Variants in USP3 observed in about 807,000 individuals in gnomAD.
USP3 encodes ubiquitin specific peptidase 3, also known as ubiquitin carboxyl-terminal hydrolase 3.
A neutral mutation model predicts 72.3 loss-of-function variants in USP3; 20 were observed. The ratio of observed to expected loss-of-function variants is 0.28; its 90% CI spans 0.19 to 0.40. The LOEUF (loss-of-function observed/expected upper bound fraction) is 0.40, where lower values mean the gene tolerates loss of function less well. Ranked by LOEUF, USP3 falls within the 10% of genes least tolerant of loss-of-function variation. USP3 has a pLI of 1.00. For synonymous variants in USP3, 222 were observed against 225.3 expected, an observed-to-expected ratio of 0.99 and a Z score of 0.13; for missense variants, 479 against 633.9, an observed-to-expected ratio of 0.76 and a Z score of 2.62.
intron 11 of USP3, among the ~76,000 whole-genome samples, chr15:63,584,981 C>G (rs2067031633): frequency 6.6e-6 from 1 of 152,056 alleles, no homozygotes; most frequent in African/African-American, 2.4e-5. Flanking sequence ...ACCTAGTTTC[C>G]CCAGCACCAT....
intron 8 of USP3, among the ~76,000 whole-genome samples, chr15:63,564,195 T>G (rs2066650970): frequency 6.6e-6 from 1 of 152,220 alleles, no homozygotes; most frequent in Non-Finnish European, 1.5e-5. Flanking sequence ...GAATGCCTAC[T>G]GTGTGCCACC....
chr15:63,523,342 TCTGGAACGAA>T (rs900973249), intron 1 of USP3, among the ~76,000 whole-genome samples: 40 of 152,148 alleles, frequency 2.6e-4, no homozygotes, highest in African/African-American at 9.4e-4. Flanking sequence ...GGAGGCAGGC[TCTGGAACGAA>T]CTTAGCGTAA....
chr15:63,568,785 G>T (rs1337957566), intron 8 of USP3, among the ~76,000 whole-genome samples: 1 of 152,028 alleles, frequency 6.6e-6, no homozygotes, highest in Non-Finnish European at 1.5e-5. Flanking sequence ...GAGCAGCAGG[G>T]AGTGTTCCCT....
In USP3 at chr15:63,570,985, A is replaced by T. The variant is rs1032694836; in HGVS notation, c.908+406A>T. Among the ~76,000 whole-genome samples the T allele has an allele frequency of 6.6e-6, 1 of 152,224 alleles. No individual in the cohort carries two copies. The highest frequency in any genetic ancestry group is 2.4e-5 in the African/African-American group (1 of 41,464). On this transcript the variant is annotated intron_variant, in intron 9 of 14. Coordinates refer to ENST00000380324, the MANE Select transcript of USP3 (RefSeq NM_006537.4). The surrounding 1 kb of genome is among the most constrained non-coding windows in gnomAD (Gnocchi z 4.4). ...TGAATGTGAACTTTCCTAAAGCTTC[A>T]TTATGGACTTGAACTTTCCTAAAGT...
chr15:63,519,754 G>A (rs2152652235), intron 1 of USP3, among the ~76,000 whole-genome samples: 1 of 152,242 alleles, frequency 6.6e-6, no homozygotes, highest in Non-Finnish European at 1.5e-5. Flanking sequence ...GCAAGGTGAT[G>A]ATTTTCTGAC....
intron 1 of USP3, among the ~76,000 whole-genome samples, chr15:63,515,284 C>G (rs887627221): frequency 1.3e-5 from 2 of 152,220 alleles, no homozygotes; most frequent in African/African-American, 4.8e-5. Flanking sequence ...GGAACCATAA[C>G]AAATTTGTTT....
At chr15:63,504,924 C>T in intron 1 of USP3, 94 bp downstream of exon 1, 1 of 1,041,178 alleles carries the variant, frequency 9.6e-7, no homozygotes, top group Non-Finnish European at 1.2e-6. Context: ...GGCGCGCGGA[C>T]TCGGGGAGGG....
chr15:63,520,907 G>A (rs1315681433), intron 1 of USP3, among the ~76,000 whole-genome samples: 1 of 151,768 alleles, frequency 6.6e-6, no homozygotes, highest in Non-Finnish European at 1.5e-5. Context: ...ATTTTATTTT[G>A]CTTTTTGAGT....
chr15:63,537,060 A>T lies in USP3; in HGVS notation c.188A>T (p.Asp63Val). 2 of 1,614,046 alleles carry T rather than the reference A, an allele frequency of 1.2e-6. No individual in the cohort carries two copies. The highest frequency in any genetic ancestry group is 2.2e-5 in the East Asian group (1 of 44,872). ...GGCCATGCAAAAAAACATTATGAAG[A>T]TGCACAAGTACCTTTAACCAACCAT... ...VNGHAKKHYE[D>V]AQVPLTNHKK... The change falls in exon 3 of 15, where the codon GAT (aspartate) becomes GTT (valine). Residue 63 changes from aspartate (D) to valine (V), a missense_variant. Physicochemically the swap from Asp to Val is radical, Grantham distance 152 (BLOSUM62 -3). Transcript: ENST00000380324.
chr15:63,551,946 C>T (rs905477744), intron 3 of USP3: 1 of 152,142 alleles, frequency 6.6e-6, no homozygotes, highest in Non-Finnish European at 1.5e-5. Flanking sequence ...CCAAGGCTGA[C>T]TTCATGTTAT....
At chr15:63,507,615 G>A (rs1413192459) in intron 1 of USP3, among the ~76,000 whole-genome samples, 1 of 152,132 alleles carries the variant, frequency 6.6e-6, no homozygotes, top group African/African-American at 2.4e-5. Context: ...ATGCTTTACA[G>A]GGAGATACAG....
chr15:63,590,659 A>G lies in USP3; in HGVS notation c.1398-2A>G. The G allele has an allele frequency of 6.4e-7, 1 of 1,559,164 alleles. No homozygotes were observed. Among genetic ancestry groups the G allele is most frequent in the Non-Finnish European group, 8.7e-7 (1 of 1,152,948 alleles). ...TTTTCCTTTGGTCTTTTGCCTTTAC[A>G]GGGTTGGTTCTGGACATTACACAGC... On this transcript the variant is annotated splice_acceptor_variant, in intron 14 of 14. Transcript: ENST00000380324. LOFTEE classifies it high-confidence loss of function.
At chr15:63,505,151 T>G (rs1469811526) in intron 1 of USP3, among the ~76,000 whole-genome samples, 1 of 151,620 alleles carries the variant, frequency 6.6e-6, no homozygotes, top group Non-Finnish European at 1.5e-5. Context: ...CGCCCTGCCG[T>G]GGCCGGGGGC....
At chr15:63,584,114 T>TTTTTTC (rs1595774870) in intron 11 of USP3, among the ~76,000 whole-genome samples, 1 of 145,170 alleles carries the variant, frequency 6.9e-6, no homozygotes, top group Non-Finnish European at 1.5e-5. Context: ...TTTTTTTTTT[T>TTTTTTC]TGAGATGGAG....
intron 8 of USP3, among the ~76,000 whole-genome samples, chr15:63,569,101 T>A (rs1048054542): frequency 6.6e-6 from 1 of 152,192 alleles, no homozygotes; most frequent in Non-Finnish European, 1.5e-5. Flanking sequence ...TAGGTTATTT[T>A]GGGGAGAGAA....
intron 1 of USP3, among the ~76,000 whole-genome samples, chr15:63,518,746 G>A (rs1249814961): frequency 1.3e-5 from 2 of 151,330 alleles, no homozygotes; most frequent in Admixed American, 1.3e-4. Context: ...TTTATCCATA[G>A]TTTTGTTTTT....
At chr15:63,516,782 T>C (rs935340222) in intron 1 of USP3, among the ~76,000 whole-genome samples, 6 of 151,636 alleles carry the variant, frequency 4.0e-5, no homozygotes, top group Non-Finnish European at 8.8e-5. Flanking sequence ...TGGGCATGGG[T>C]AGTTTTTTTT....
chr15:63,590,602 G>C (rs1343006622), intron 14 of USP3, 59 bp from the exon 15 acceptor site: 1 of 1,430,864 alleles, frequency 7.0e-7, no homozygotes, highest in Admixed American at 2.5e-5. Context: ...TTATATAGTT[G>C]TACAGGTCTT....
At chr15:63,537,280 TCACGGAGGACTGGAGC>T (rs745788699) in intron 3 of USP3, 124 bp downstream of exon 3, 243 of 1,179,816 alleles carry the variant, frequency 2.1e-4, no homozygotes, top group Non-Finnish European at 2.7e-4. Flanking sequence ...CTGTTAGGAT[TCACGGAGGACTGGAGC>T]CATTGGGAAC....
Sources: allele counts gnomAD v4.1 joint callset (sites outside exome capture counted in the v4.1 genomes callset), GRCh38; gene constraint gnomAD v4.1.1; non-coding constraint Gnocchi (gnomAD v3.1); transcripts MANE v1.5; gene names NCBI Gene and HGNC (gene_info 2026-07-23, HGNC 2026-07-21).